Variants in KCNH8 observed in about 807,000 individuals in gnomAD.
KCNH8 encodes potassium voltage-gated channel subfamily H member 8.
Under a neutral mutation model 103.6 loss-of-function variants are expected in KCNH8, and 70 were observed. The ratio of observed to expected loss-of-function variants is 0.68; its 90% CI spans 0.56 to 0.82. The LOEUF is 0.82. Among genes scored for constraint, KCNH8 ranks in the 40% least tolerant of loss-of-function variants. KCNH8 has a pLI of 0.00. For synonymous variants in KCNH8, 498 were observed against 489.4 expected, an observed-to-expected ratio of 1.02 and a Z score of -0.23; for missense variants, 1,217 against 1,329.9, an observed-to-expected ratio of 0.92 and a Z score of 1.32.
intron 1 of KCNH8, among the ~76,000 whole-genome samples, chr3:19,155,390 C>A (rs1392985065): frequency 6.6e-6 from 1 of 152,134 alleles, no homozygotes; most frequent in Non-Finnish European, 1.5e-5. Flanking sequence ...TCTACAATTG[C>A]AGCCTTTCTC....
In KCNH8 at chr3:19,347,837, T is replaced by C; in HGVS notation, c.683T>C (p.Ile228Thr). ...STFKAGWDWLILLATFYVAVT... is the reference protein window; with the variant it reads ...STFKAGWDWLTLLATFYVAVT... ...TTTAAAGCTGGCTGGGACTGGCTTA[T>C]TTTGTTGGCAACGTTTTATGTTGCT... The change falls in exon 5 of 16, where the codon ATT (isoleucine) becomes ACT (threonine). Residue 228 changes from isoleucine (I) to threonine (T), a missense_variant. Coordinates refer to ENST00000328405, the MANE Select transcript of KCNH8 (RefSeq NM_144633.3). 6.2e-7 allele frequency: 1 copy of C among 1,613,414 alleles called. No homozygotes were observed. Among genetic ancestry groups the C allele is most frequent in the Non-Finnish European group, 8.5e-7 (1 of 1,179,506 alleles).
At chr3:19,264,997 C>T (rs1341838231) in intron 2 of KCNH8, among the ~76,000 whole-genome samples, 1 of 152,076 alleles carries the variant, frequency 6.6e-6, no homozygotes, top group Admixed American at 6.6e-5. Context: ...CACTCCCTCA[C>T]CTGCCCTTAG....
chr3:19,233,476 TA>T (rs1379833185), intron 1 of KCNH8, among the ~76,000 whole-genome samples: 1 of 152,144 alleles, frequency 6.6e-6, no homozygotes, highest in Admixed American at 6.5e-5. Flanking sequence ...AGAAGTTAAA[TA>T]TTCTTTCATG....
At position 19,148,563 on chromosome 3, in the gene KCNH8, T is replaced by C. The variant is rs991149662; in HGVS notation, c.-157T>C. On this transcript the variant is annotated 5_prime_UTR_variant, in exon 1 of 16. Transcript: ENST00000328405. ...GGGCGGCTGGAACTCTCTCCCTTTC[T>C]CCCTCCATCCTTCCACTTCCCCTGC... is the stretch of plus-strand genomic sequence containing the variant. The C allele has an allele frequency of 2.9e-6, 2 of 696,742 alleles. No homozygotes were observed. The highest frequency in any genetic ancestry group is 5.1e-6 in the Non-Finnish European group (2 of 390,576). The allele number at this position is 696,742 out of a possible 1,614,324, so 43.2% of individuals were successfully genotyped here.
chr3:19,519,815 T>G (rs997099538), intron 15 of KCNH8, among the ~76,000 whole-genome samples: 4 of 151,918 alleles, frequency 2.6e-5, no homozygotes, highest in African/African-American at 7.2e-5. Flanking sequence ...CCTCTCATAT[T>G]TGAGAAGGGC....
At chr3:19,488,973 T>C (rs2068265499) in intron 11 of KCNH8, among the ~76,000 whole-genome samples, 1 of 152,168 alleles carries the variant, frequency 6.6e-6, no homozygotes, top group African/African-American at 2.4e-5. Flanking sequence ...TTTTTCCAAT[T>C]GAGGAGGTCA....
At chr3:19,454,182 G>A (rs1224198551) in intron 10 of KCNH8, among the ~76,000 whole-genome samples, 1 of 148,744 alleles carries the variant, frequency 6.7e-6, no homozygotes, top group Non-Finnish European at 1.5e-5. Flanking sequence ...GTGTGTGTGT[G>A]TGTGTGTGTG....
intron 3 of KCNH8, among the ~76,000 whole-genome samples, chr3:19,301,659 A>T (rs932234901): frequency 6.6e-6 from 1 of 152,142 alleles, no homozygotes; most frequent in African/African-American, 2.4e-5. Context: ...TCTGACACTA[A>T]CTATCTGAAG....
chr3:19,408,473 C>T (rs909669463), intron 7 of KCNH8, among the ~76,000 whole-genome samples: 1 of 151,994 alleles, frequency 6.6e-6, no homozygotes, highest in East Asian at 1.9e-4. Context: ...GTAGTGACAC[C>T]ACCAAAGGAC....
chr3:19,341,182 T>C (rs2065654942), intron 3 of KCNH8, among the ~76,000 whole-genome samples: 1 of 152,146 alleles, frequency 6.6e-6, no homozygotes, highest in Admixed American at 6.6e-5. Flanking sequence ...ACATGTTCAC[T>C]TGAGGTGCTT....
intron 3 of KCNH8, among the ~76,000 whole-genome samples, chr3:19,290,891 TAA>T (rs2064911299): frequency 6.6e-6 from 1 of 152,196 alleles, no homozygotes; most frequent in African/African-American, 2.4e-5. Flanking sequence ...TTTTGGTTGG[TAA>T]GCTATTAATT....
intron 1 of KCNH8, among the ~76,000 whole-genome samples, chr3:19,177,174 C>T (rs1196225336): frequency 6.6e-6 from 1 of 151,944 alleles, no homozygotes. Flanking sequence ...CTAAATAGAA[C>T]ACAAAAAAGA....
chr3:19,245,672 T>C (rs757571114), intron 1 of KCNH8, among the ~76,000 whole-genome samples: 9 of 152,200 alleles, frequency 5.9e-5, no homozygotes, highest in Non-Finnish European at 1.3e-4. Context: ...TTTAGTTAGT[T>C]GTATTCATGG....
chr3:19,524,881 T>C lies in KCNH8; in HGVS notation c.2619+6807T>C, dbSNP rs143820302. Among the ~76,000 whole-genome samples, 684 of 151,974 alleles carry C rather than the reference T, an allele frequency of 4.5e-3. 4 individuals are homozygous for C. The highest frequency in any genetic ancestry group is 0.02 in the South Asian group (95 of 4,826). On this transcript the variant is annotated intron_variant, in intron 15 of 15. Coordinates refer to ENST00000328405, the MANE Select transcript of KCNH8 (RefSeq NM_144633.3). ...CAAGGGGTAGAACCACCCCTCTTGA[T>C]AATAACAGCAGAAGTTCACCACAAC...
intron 1 of KCNH8, among the ~76,000 whole-genome samples, chr3:19,241,846 C>G (rs78956179): frequency 0.012 from 1,881 of 152,004 alleles, 18 homozygotes; most frequent in Middle Eastern, 0.031. Flanking sequence ...GTATGTGTGG[C>G]TAACAAATCA....
chr3:19,463,619 T>C (rs1446285296), intron 11 of KCNH8, among the ~76,000 whole-genome samples: 1 of 152,192 alleles, frequency 6.6e-6, no homozygotes. Flanking sequence ...AATAAAAGTG[T>C]ATAGGAACTT....
At chr3:19,381,075 C>T (rs1365718341) in intron 5 of KCNH8, among the ~76,000 whole-genome samples, 2 of 152,062 alleles carry the variant, frequency 1.3e-5, no homozygotes, top group Non-Finnish European at 2.9e-5. Context: ...TTAAATTTTA[C>T]GTTTAAAGTC....
chr3:19,304,787 A>G (rs987341886), intron 3 of KCNH8, among the ~76,000 whole-genome samples: 1 of 152,292 alleles, frequency 6.6e-6, no homozygotes, highest in South Asian at 2.1e-4. Flanking sequence ...GCATGTGGCT[A>G]TTGAGCACTT....
intron 5 of KCNH8, among the ~76,000 whole-genome samples, chr3:19,352,806 A>C (rs2065822495): frequency 6.6e-6 from 1 of 152,332 alleles, no homozygotes; most frequent in Non-Finnish European, 1.5e-5. Flanking sequence ...TGACACCCTA[A>C]CATCAAAATT....
Sources: allele counts gnomAD v4.1 joint callset (sites outside exome capture counted in the v4.1 genomes callset), GRCh38; gene constraint gnomAD v4.1.1; transcripts MANE v1.5; gene names NCBI Gene and HGNC (gene_info 2026-07-23, HGNC 2026-07-21).